Variants in UIMC1 observed in about 807,000 individuals in gnomAD.
UIMC1 encodes the protein BRCA1-A complex subunit RAP80.
In UIMC1, 42 loss-of-function variants were observed where a neutral mutation model predicts 84.9. The ratio of observed to expected loss-of-function variants is 0.49; its 90% CI spans 0.39 to 0.64. The LOEUF is 0.64. UIMC1 is among the 30% of genes least tolerant of loss of function. UIMC1 has a pLI of 0.00. For synonymous variants in UIMC1, 281 were observed against 293.0 expected, an observed-to-expected ratio of 0.96 and a Z score of 0.42; for missense variants, 825 against 847.6, an observed-to-expected ratio of 0.97 and a Z score of 0.33.
chr5:176,977,223 CAA>C (rs1016279747), intron 2 of UIMC1, among the ~76,000 whole-genome samples: 24 of 71,592 alleles, frequency 3.4e-4, no homozygotes, highest in East Asian at 1.0e-3. Flanking sequence ...GATTCTGTCT[CAA>C]AAAAAAAAAA....
At chr5:176,975,661 AT>A (rs1243542353) in intron 2 of UIMC1, among the ~76,000 whole-genome samples, 181 bp from the exon 3 acceptor site, 1 of 152,196 alleles carries the variant, frequency 6.6e-6, no homozygotes, top group African/African-American at 2.4e-5. Context: ...TCTAGAACCA[AT>A]AAAAACTGTA....
intron 1 of UIMC1, chr5:177,006,205 G>A (rs949194828): frequency 1.3e-5 from 2 of 152,290 alleles, no homozygotes; most frequent in African/African-American, 2.4e-5. Flanking sequence ...CCCGGCAACC[G>A]AAGGTGCAAA....
At chr5:176,961,137 G>A (rs1369881871) in intron 6 of UIMC1, among the ~76,000 whole-genome samples, 1 of 81,150 alleles carries the variant, frequency 1.2e-5, no homozygotes, top group Admixed American at 9.7e-5. Context: ...GCCCAGTCTG[G>A]GAAGTGAGGA....
intron 1 of UIMC1, among the ~76,000 whole-genome samples, chr5:176,984,117 T>A: frequency 1.0e-5 from 1 of 96,996 alleles, no homozygotes; most frequent in African/African-American, 4.1e-5. Context: ...GGCCGCCCTG[T>A]CTGGAAAGTG....
At chr5:176,996,023 C>T (rs1051991482) in intron 1 of UIMC1, among the ~76,000 whole-genome samples, 7 of 151,824 alleles carry the variant, frequency 4.6e-5, no homozygotes, top group African/African-American at 1.7e-4. Flanking sequence ...TCATAAGGGA[C>T]AAAAACTGGA....
chr5:177,021,894 G>GC lies in UIMC1; in HGVS notation c.-9+569dup, dbSNP rs555734108. On this transcript the variant is annotated intron_variant, in intron 1 of 5. Transcript: ENST00000509236. ...TCGAACTCCGGACCTCAGGTGATCC[G>GC]CCCCCCCTTAGCCTCCCAAAGTGCT... 7.0e-4 allele frequency among the ~76,000 whole-genome samples: 106 copies of GC among 152,062 alleles called. 2 individuals are homozygous for GC. The East Asian group carries it at 7.7e-3, about 11-fold the overall frequency.
At chr5:176,950,431 G>GA (rs1375307710) in intron 9 of UIMC1, among the ~76,000 whole-genome samples, 1 of 151,930 alleles carries the variant, frequency 6.6e-6, no homozygotes, top group East Asian at 1.9e-4. Flanking sequence ...CGCAGGATAA[G>GA]AAAGTATACA....
In UIMC1 at chr5:176,969,063, C is replaced by A. The variant is rs1482192203; in HGVS notation, c.692G>T (p.Gly231Val). 3 of 1,614,170 alleles carry A rather than the reference C, an allele frequency of 1.9e-6. No homozygotes were observed. Among genetic ancestry groups the A allele is most frequent in the Non-Finnish European group, 2.5e-6 (3 of 1,180,022 alleles). ...CCTCCCAGTACTTTCCTGTGGCTTC[C>A]CACACTGTGTGTGCTCAGCCGAGTG... is the stretch of plus-strand genomic sequence containing the variant. The part of the protein sequence containing the change: ...TGHSAEHTQC[G>V]KPQESTGRGS... Residue 231 changes from glycine (G) to valine (V), a missense_variant, in exon 6 of 15, where the codon GGG becomes GTG. Physicochemically the swap from Gly to Val is moderately radical, Grantham distance 109 (BLOSUM62 -3). Coordinates refer to ENST00000511320, the MANE Select transcript of UIMC1 (RefSeq NM_001199298.2).
intron 2 of UIMC1, among the ~76,000 whole-genome samples, 177 bp downstream of exon 2, chr5:176,982,292 G>A (rs1010611853): frequency 6.6e-6 from 1 of 152,160 alleles, no homozygotes; most frequent in Non-Finnish European, 1.5e-5. Context: ...CAAGCAACAG[G>A]ATTACTACCT....
chr5:176,949,524 TGAGAA>T (rs748418478), intron 9 of UIMC1, among the ~76,000 whole-genome samples: 50 of 152,220 alleles, frequency 3.3e-4, no homozygotes, highest in Non-Finnish European at 6.9e-4. Flanking sequence ...TGTTTCTTCC[TGAGAA>T]AACAATCCAG....
At chr5:177,011,130 G>A (rs932393300), upstream of UIMC1, among the ~76,000 whole-genome samples, 2 of 151,808 alleles carry the variant, frequency 1.3e-5, no homozygotes, top group African/African-American at 2.4e-5. Context: ...GGCAGAGGTT[G>A]CAGTGAGCCA....
Position 176,943,325 on chromosome 5 carries a change from G to A in UIMC1, c.1597+10C>T. The A allele has an allele frequency of 6.2e-7, 1 of 1,611,906 alleles. No homozygotes were observed. The highest frequency in any genetic ancestry group is 8.5e-7 in the Non-Finnish European group (1 of 1,179,104). ...AAAGTAAGAGTTTGGCTGTCCTGCT[G>A]GGTCTTTACCTGTATCTTCCTCCAT... On this transcript the variant is annotated intron_variant, in intron 10 of 14. Coordinates refer to ENST00000511320, the MANE Select transcript of UIMC1 (RefSeq NM_001199298.2).
At chr5:176,956,271 C>T (rs1561819080) in intron 7 of UIMC1, among the ~76,000 whole-genome samples, 1 of 152,166 alleles carries the variant, frequency 6.6e-6, no homozygotes, top group Non-Finnish European at 1.5e-5. Context: ...AAAACAAATT[C>T]CCTTTTGGAG....
At chr5:176,929,186 C>T (rs1762776716) in intron 10 of UIMC1, among the ~76,000 whole-genome samples, 1 of 151,176 alleles carries the variant, frequency 6.6e-6, no homozygotes, top group East Asian at 1.9e-4. Flanking sequence ...ACCCGGGAGG[C>T]AGAGGTTGCA....
Position 176,982,484 on chromosome 5 carries a change from G to A in UIMC1, c.132C>T (p.Ser44=), listed in dbSNP as rs758431153. ...CTTCACTAACCTCTCCATCACTATC[G>A]GATATCACAATGAATGCATCCTCAA... The part of the protein sequence containing the change: ...RRLEDAFIVI[S]DSDGEEPKEE... Residue 44 remains serine (S), a synonymous_variant, in exon 2 of 15, where the codon TCC becomes TCT. Transcript: ENST00000511320. 6.2e-6 allele frequency: 10 copies of A among 1,613,392 alleles called. No individual in the cohort carries two copies. The highest frequency in any genetic ancestry group is 4.5e-5 in the East Asian group (2 of 44,876).
chr5:176,914,089 T>C (rs200759138), intron 10 of UIMC1, among the ~76,000 whole-genome samples: 974 of 71,218 alleles, frequency 0.014, 12 homozygotes, highest in African/African-American at 0.07. Context: ...CACCACACCA[T>C]ACCATACCAT....
At chr5:176,970,895 G>C in intron 3 of UIMC1, 29 bp from the exon 4 acceptor site, 1 of 1,609,600 alleles carries the variant, frequency 6.2e-7, no homozygotes, top group Non-Finnish European at 8.5e-7. Flanking sequence ...AAGAGAAGGA[G>C]GAACACCACA....
intron 6 of UIMC1, among the ~76,000 whole-genome samples, chr5:176,960,508 G>A (rs1210455194): frequency 1.3e-5 from 2 of 152,008 alleles, no homozygotes; most frequent in Non-Finnish European, 2.9e-5. Flanking sequence ...GGAAGCTATG[G>A]CCTAATCAAG....
At chr5:176,969,880 TACTA>T in intron 4 of UIMC1, 174 bp from the exon 5 acceptor site, 1 of 613,824 alleles carries the variant, frequency 1.6e-6, no homozygotes, top group Admixed American at 2.9e-5. Flanking sequence ...CAAAGTGTTG[TACTA>T]GATCACTATA....
Sources: allele counts gnomAD v4.1 joint callset (sites outside exome capture counted in the v4.1 genomes callset), GRCh38; gene constraint gnomAD v4.1.1; transcripts MANE v1.5; gene names NCBI Gene and HGNC (gene_info 2026-07-23, HGNC 2026-07-21).